GFOD1: variants seen among roughly 807,000 people sequenced by gnomAD.
The protein encoded by GFOD1 is glucose-fructose oxidoreductase domain-containing protein 1.
In GFOD1, 9 loss-of-function variants were observed where a neutral mutation model predicts 25.4. The ratio of observed to expected loss-of-function variants is 0.35; its 90% CI spans 0.21 to 0.62. The LOEUF (loss-of-function observed/expected upper bound fraction) is 0.62. Ranked by LOEUF, GFOD1 falls within the 20% of genes least tolerant of loss-of-function variation. The probability of loss-of-function intolerance (pLI) is 0.72; values close to 1 mark genes in which losing one functional copy is unlikely to be tolerated. For synonymous variants in GFOD1, 253 were observed against 245.6 expected, an observed-to-expected ratio of 1.03 and a Z score of -0.28; for missense variants, 403 against 556.9, an observed-to-expected ratio of 0.72 and a Z score of 2.78.
At chr6:13,469,214 C>T (rs910465400) in intron 1 of GFOD1, 2 of 984,380 alleles carry the variant, frequency 2.0e-6, no homozygotes, top group Non-Finnish European at 2.4e-6. Context: ...GGTAACAGCA[C>T]CACACTCAGC....
chr6:13,424,775 A>T (rs1453361200), intron 1 of GFOD1, among the ~76,000 whole-genome samples: 1 of 152,140 alleles, frequency 6.6e-6, no homozygotes, highest in East Asian at 1.9e-4. Flanking sequence ...GAAATTTTAC[A>T]AAGGTTTTAA....
chr6:13,477,892 C>T (rs1464915881), intron 1 of GFOD1, among the ~76,000 whole-genome samples: 1 of 151,826 alleles, frequency 6.6e-6, no homozygotes, highest in African/African-American at 2.4e-5. Context: ...ATGGCGACCC[C>T]ATCTCTATCA....
At chr6:13,466,792 C>T (rs1758386707) in intron 1 of GFOD1, among the ~76,000 whole-genome samples, 1 of 152,156 alleles carries the variant, frequency 6.6e-6, no homozygotes, top group South Asian at 2.1e-4. Flanking sequence ...TTATACCCAA[C>T]CCCACTGCTT....
At chr6:13,424,900 C>T (rs1786325187) in intron 1 of GFOD1, among the ~76,000 whole-genome samples, 1 of 151,600 alleles carries the variant, frequency 6.6e-6, no homozygotes, top group South Asian at 2.1e-4. Context: ...TTATATTGCA[C>T]CTAGCATATG....
At chr6:13,481,754 A>C (rs1758757241) in intron 1 of GFOD1, among the ~76,000 whole-genome samples, 1 of 152,240 alleles carries the variant, frequency 6.6e-6, no homozygotes, top group South Asian at 2.1e-4. Context: ...GAGAGGCAAC[A>C]AGGAAATTAA....
chr6:13,397,056 G>A (rs760998503), intron 1 of GFOD1, among the ~76,000 whole-genome samples: 2 of 152,188 alleles, frequency 1.3e-5, no homozygotes, highest in African/African-American at 4.8e-5. Flanking sequence ...GAGCCACAGA[G>A]AGGCCAGATG....
intron 1 of GFOD1, among the ~76,000 whole-genome samples, chr6:13,373,583 T>C (rs1260597778): frequency 1.3e-5 from 2 of 152,106 alleles, no homozygotes; most frequent in African/African-American, 2.4e-5. Flanking sequence ...GAACTAAGCA[T>C]ATGAACAGAG....
intron 1 of GFOD1, among the ~76,000 whole-genome samples, chr6:13,458,258 A>C (rs13205726): frequency 0.16 from 24,734 of 151,746 alleles, 2,178 homozygotes; most frequent in South Asian, 0.26. Context: ...GCTGGGATTA[A>C]AGGCACCTGC....
intron 1 of GFOD1, among the ~76,000 whole-genome samples, chr6:13,475,100 T>G (rs1297724123): frequency 6.6e-6 from 1 of 152,160 alleles, no homozygotes; most frequent in Non-Finnish European, 1.5e-5. Context: ...AATCAATAAA[T>G]GACAAACAAC....
intron 1 of GFOD1, among the ~76,000 whole-genome samples, chr6:13,399,476 C>T (rs1008703778): frequency 2.0e-5 from 3 of 152,198 alleles, no homozygotes; most frequent in African/African-American, 7.2e-5. Flanking sequence ...GGCAATGACT[C>T]AACATCCAAC....
In GFOD1 at chr6:13,362,647, C is replaced by A; in HGVS notation, c.*2096G>T. 1 of 152,294 alleles carries A rather than the reference C, an allele frequency of 6.6e-6. No homozygotes were observed. The allele number at this position is 152,294 out of a possible 1,614,324, so 9.4% of individuals were successfully genotyped here. A position where few individuals can be genotyped will look rare whatever the true frequency, so the allele number is the denominator to read the frequency against. ...AGGTCAGGGACCACAACAAACCACG[C>A]ATGGAATTTCAGCTTACCCACCCTG... On this transcript the variant is annotated 3_prime_UTR_variant, in exon 2 of 2. Transcript: ENST00000379287.
intron 1 of GFOD1, among the ~76,000 whole-genome samples, chr6:13,398,845 G>T (rs1234441461): frequency 6.6e-6 from 1 of 152,218 alleles, no homozygotes; most frequent in Non-Finnish European, 1.5e-5. Context: ...GGGACATCCA[G>T]GGGCTCAGCT....
intron 1 of GFOD1, among the ~76,000 whole-genome samples, chr6:13,373,651 C>T (rs1405314203): frequency 6.6e-6 from 1 of 151,912 alleles, no homozygotes; most frequent in Non-Finnish European, 1.5e-5. Context: ...GTCACTTTCA[C>T]TCTCTCACTC....
chr6:13,362,835 C>T lies in GFOD1; in HGVS notation c.*1908G>A, dbSNP rs990201899. 6.6e-6 allele frequency: 1 copy of T among 152,204 alleles called. No individual in the cohort carries two copies. The highest frequency in any genetic ancestry group is 1.5e-5 in the Non-Finnish European group (1 of 68,056). The allele number at this position is 152,204 out of a possible 1,614,324, so 9.4% of individuals were successfully genotyped here. On this transcript the variant is annotated 3_prime_UTR_variant, in exon 2 of 2. Transcript: ENST00000379287. ...CAAAGAATATTGACCCTAGGGAGGA[C>T]AATGAAGGATGCAACTGATTGGGCT...
At chr6:13,424,524 A>G (rs966536679) in intron 1 of GFOD1, among the ~76,000 whole-genome samples, 3 of 152,228 alleles carry the variant, frequency 2.0e-5, no homozygotes, top group Non-Finnish European at 4.4e-5. Context: ...TAATGGAACA[A>G]CATAAAACTA....
At chr6:13,377,023 T>G (rs1388977511) in intron 1 of GFOD1, among the ~76,000 whole-genome samples, 2 of 152,132 alleles carry the variant, frequency 1.3e-5, no homozygotes, top group East Asian at 1.9e-4. Flanking sequence ...GATATGTTTT[T>G]TTTTTTTTTT....
intron 1 of GFOD1, among the ~76,000 whole-genome samples, chr6:13,408,624 C>T (rs1224018505): frequency 6.6e-6 from 1 of 152,100 alleles, no homozygotes; most frequent in Non-Finnish European, 1.5e-5. Context: ...TCACCTGATG[C>T]CCGGGCCCCT....
intron 1 of GFOD1, among the ~76,000 whole-genome samples, chr6:13,428,745 T>C (rs1273054684): frequency 1.3e-5 from 2 of 152,180 alleles, no homozygotes; most frequent in East Asian, 1.9e-4. Context: ...TCTGTACTTC[T>C]GCGGCCACTC....
At chr6:13,424,956 C>CTTTTTTTTTTTTTTTTTTTTT in intron 1 of GFOD1, among the ~76,000 whole-genome samples, 1 of 123,898 alleles carries the variant, frequency 8.1e-6, no homozygotes, top group African/African-American at 3.2e-5. Context: ...ACATTTAATT[C>CTTTTTTTTTTTTTTTTTTTTT]TTTTTTTTTT....
Sources: allele counts gnomAD v4.1 joint callset (sites outside exome capture counted in the v4.1 genomes callset), GRCh38; gene constraint gnomAD v4.1.1; transcripts MANE v1.5; gene names NCBI Gene and HGNC (gene_info 2026-07-23, HGNC 2026-07-21).